Variants in BICD1 observed in about 807,000 individuals in gnomAD.
The protein encoded by BICD1 is protein bicaudal D homolog 1.
In BICD1, 35 loss-of-function variants were observed where a neutral mutation model predicts 92.5. That is an observed-to-expected ratio of 0.38 (90% confidence interval 0.29 to 0.50). The LOEUF is 0.50. Ranked by LOEUF, BICD1 falls within the 20% of genes least tolerant of loss-of-function variation. The probability of loss-of-function intolerance (pLI) is 0.93; values close to 1 mark genes in which losing one functional copy is unlikely to be tolerated. For synonymous variants in BICD1, 429 were observed against 465.1 expected, an observed-to-expected ratio of 0.92 and a Z score of 1.00; for missense variants, 950 against 1,189.8, an observed-to-expected ratio of 0.80 and a Z score of 2.97.
chr12:32,260,223 C>G (rs544630789), intron 2 of BICD1, among the ~76,000 whole-genome samples: 1 of 152,196 alleles, frequency 6.6e-6, no homozygotes, highest in African/African-American at 2.4e-5. Flanking sequence ...CCACGCCCAG[C>G]CTCACTTTTT....
At position 32,377,589 on chromosome 12, in the gene BICD1, G is replaced by A. The variant is rs200603103; in HGVS notation, c.2890G>A (p.Ala964Thr). 2.5e-5 allele frequency: 40 copies of A among 1,613,880 alleles called. No homozygotes were observed. Among genetic ancestry groups the A allele is most frequent in the East Asian group, 6.7e-5 (3 of 44,888 alleles). Residue 964 changes from alanine (A) to threonine (T), a missense_variant, in exon 10 of 10, where the codon GCC becomes ACC. Coordinates refer to ENST00000652176, the MANE Select transcript of BICD1 (RefSeq NM_001714.4). ...EEQPHSSSQC[A>T]PLHCLSKPPH... ...GCAGCCACATTCCAGCTCCCAGTGC[G>A]CCCCTCTCCACTGTCTCTCCAAGCC...
chr12:32,182,665 C>G (rs1281283009), intron 1 of BICD1, among the ~76,000 whole-genome samples: 2 of 151,694 alleles, frequency 1.3e-5, no homozygotes, highest in Non-Finnish European at 2.9e-5. Flanking sequence ...GCATTCCCTG[C>G]TGTCTGGCAT....
At chr12:32,340,239 G>A in intron 8 of BICD1, 4 of 985,360 alleles carry the variant, frequency 4.1e-6, no homozygotes, top group Non-Finnish European at 4.8e-6. Flanking sequence ...ACGTTCTAAA[G>A]GTGTTTGAGG....
At chr12:32,352,809 G>A (rs1425084365) in intron 8 of BICD1, 1 of 152,268 alleles carries the variant, frequency 6.6e-6, no homozygotes, top group African/African-American at 2.4e-5. Context: ...GGGAGTTAGA[G>A]GCTGCAGTGA....
At chr12:32,333,655 C>A (rs1009126554) in intron 5 of BICD1, among the ~76,000 whole-genome samples, 18 of 152,070 alleles carry the variant, frequency 1.2e-4, no homozygotes, top group Admixed American at 1.0e-3. Context: ...TCATGTGTTC[C>A]CAGTTTGGCT....
intron 8 of BICD1, 31 bp downstream of exon 8, chr12:32,339,010 G>T: frequency 1.3e-6 from 2 of 1,567,062 alleles, no homozygotes; most frequent in East Asian, 2.4e-5. Flanking sequence ...TGCATGTGAT[G>T]CAAATGATTA....
intron 2 of BICD1, among the ~76,000 whole-genome samples, chr12:32,260,518 C>T (rs1218988182): frequency 6.6e-6 from 1 of 152,088 alleles, no homozygotes; most frequent in African/African-American, 2.4e-5. Flanking sequence ...TGTCTGCATT[C>T]ATATATAGGT....
rs1366034442 is a variant in BICD1, at chr12:32,335,649, C to T, written c.2252+982C>T. Among the ~76,000 whole-genome samples the T allele has an allele frequency of 4.1e-5, 6 of 148,106 alleles. No individual in the cohort carries two copies. The East Asian group carries it at 1.2e-3, about 30-fold the overall frequency. On this transcript the variant is annotated intron_variant, in intron 6 of 9. Coordinates refer to ENST00000652176, the MANE Select transcript of BICD1 (RefSeq NM_001714.4). ...AGGCTGAAGTGCAGTGGCGCTATCTCGGTTCACTGCAGCCTGGACATCCTG... is the reference window on the plus strand; with the variant it reads ...AGGCTGAAGTGCAGTGGCGCTATCTTGGTTCACTGCAGCCTGGACATCCTG...
chr12:32,311,322 C>A (rs1038637371), intron 4 of BICD1, among the ~76,000 whole-genome samples: 3 of 151,580 alleles, frequency 2.0e-5, no homozygotes, highest in African/African-American at 7.3e-5. Context: ...ATGGTGAAAC[C>A]CCATCTCTAC....
intron 2 of BICD1, chr12:32,227,595 T>G (rs555245984): frequency 6.4e-6 from 1 of 155,846 alleles, no homozygotes; most frequent in East Asian, 1.9e-4. Flanking sequence ...GTGGCAGGGA[T>G]TGCAGGCATC....
At chr12:32,161,814 T>C (rs1943610780) in intron 1 of BICD1, among the ~76,000 whole-genome samples, 1 of 152,244 alleles carries the variant, frequency 6.6e-6, no homozygotes, top group Admixed American at 6.5e-5. Flanking sequence ...GCCATGTCTA[T>C]CACCTGGCAT....
chr12:32,265,718 TAAAA>T (rs35399036), intron 2 of BICD1, among the ~76,000 whole-genome samples: 1 of 140,826 alleles, frequency 7.1e-6, no homozygotes, highest in African/African-American at 2.6e-5. Flanking sequence ...AGATCCTATT[TAAAA>T]AAAAAAAAAA....
rs184808670 is a variant in BICD1 at position 32,224,728 on chromosome 12, G to A, written c.426+8269G>A. On this transcript the variant is annotated intron_variant, in intron 2 of 9. Transcript: ENST00000652176. ...ATCGATTTTATTTTATTGAGATGGA[G>A]TCTTGCTCTGTCACCCAGGCTGGAG... is the stretch of plus-strand genomic sequence containing the variant. Among the ~76,000 whole-genome samples the A allele has an allele frequency of 3.7e-3, 562 of 152,210 alleles. 3 individuals are homozygous for A. The highest frequency in any genetic ancestry group is 0.013 in the African/African-American group (548 of 41,540).
chr12:32,368,546 T>C (rs1402699068), intron 9 of BICD1, among the ~76,000 whole-genome samples: 2 of 151,374 alleles, frequency 1.3e-5, no homozygotes, highest in Admixed American at 1.3e-4. Flanking sequence ...AATACAAAAA[T>C]TAGCTGGGTG....
chr12:32,255,549 TA>T (rs1473913585), intron 2 of BICD1, among the ~76,000 whole-genome samples: 1 of 152,240 alleles, frequency 6.6e-6, no homozygotes, highest in Non-Finnish European at 1.5e-5. Context: ...AAAAATCTTC[TA>T]ATGATGAGGC....
chr12:32,133,149 C>A (rs1942612506), intron 1 of BICD1, among the ~76,000 whole-genome samples: 1 of 151,992 alleles, frequency 6.6e-6, no homozygotes, highest in East Asian at 1.9e-4. Context: ...TTTGAAAATT[C>A]TTGTGGATAC....
intron 8 of BICD1, chr12:32,340,285 A>T (rs1203671015): frequency 4.1e-6 from 4 of 985,220 alleles, no homozygotes; most frequent in Non-Finnish European, 4.8e-6. Flanking sequence ...ATGGTGTAAT[A>T]GCCAAAATAT....
At chr12:32,368,909 GTC>G (rs1164534116) in intron 9 of BICD1, among the ~76,000 whole-genome samples, 1 of 152,094 alleles carries the variant, frequency 6.6e-6, no homozygotes, top group African/African-American at 2.4e-5. Context: ...GCAAGACCCT[GTC>G]TCTAGATAAA....
At chr12:32,186,498 A>C (rs1944427025) in intron 1 of BICD1, among the ~76,000 whole-genome samples, 1 of 152,188 alleles carries the variant, frequency 6.6e-6, no homozygotes, top group African/African-American at 2.4e-5. Flanking sequence ...CATAAAACCA[A>C]CATGTCTAAA....
Sources: allele counts gnomAD v4.1 joint callset (sites outside exome capture counted in the v4.1 genomes callset), GRCh38; gene constraint gnomAD v4.1.1; transcripts MANE v1.5; gene names NCBI Gene and HGNC (gene_info 2026-07-23, HGNC 2026-07-21).